DLG2: variants seen among roughly 807,000 people sequenced by gnomAD.
DLG2 encodes disks large homolog 2.
Under a neutral mutation model 132.5 loss-of-function variants are expected in DLG2, and 45 were observed. That is an observed-to-expected ratio of 0.34 (90% confidence interval 0.27 to 0.44). DLG2 has a LOEUF of 0.44. Among genes scored for constraint, DLG2 ranks in the 20% least tolerant of loss-of-function variants. The pLI, the probability that DLG2 is intolerant of heterozygous loss-of-function variation, is 1.00. For synonymous variants in DLG2, 424 were observed against 419.6 expected, an observed-to-expected ratio of 1.01 and a Z score of -0.13; for missense variants, 1,045 against 1,196.9, an observed-to-expected ratio of 0.87 and a Z score of 1.87.
chr11:84,065,384 C>T (rs570453624), intron 10 of DLG2, among the ~76,000 whole-genome samples: 22 of 152,186 alleles, frequency 1.4e-4, no homozygotes, highest in African/African-American at 4.6e-4. Flanking sequence ...AACCAAATAA[C>T]ACCATTAAAA....
At chr11:84,051,361 C>G (rs4373958) in intron 11 of DLG2, among the ~76,000 whole-genome samples, 1 of 151,508 alleles carries the variant, frequency 6.6e-6, no homozygotes, top group African/African-American at 2.4e-5. Flanking sequence ...ATAGCAAAGA[C>G]TTGGAACCAA....
intron 6 of DLG2, among the ~76,000 whole-genome samples, chr11:84,643,431 C>A (rs1015903132): frequency 6.6e-6 from 1 of 152,162 alleles, no homozygotes; most frequent in Non-Finnish European, 1.5e-5. Flanking sequence ...CTCTTTATTT[C>A]CCAGGTGTTA....
rs2099621228 is a variant in DLG2, at chr11:84,625,586, C to T, written c.358-90855G>A. ...TAGATTCCCTAACTAAAAGCCAGAC[C>T]TCATTTCTGTTGGAGGAAAATGATA... is the stretch of plus-strand genomic sequence containing the variant. On this transcript the variant is annotated intron_variant, in intron 6 of 27. Transcript: ENST00000376104. 2.0e-5 allele frequency among the ~76,000 whole-genome samples: 3 copies of T among 152,278 alleles called. No homozygotes were observed. In the South Asian group the frequency reaches 6.2e-4, roughly 32 times the overall value.
rs1314899641 is a variant in DLG2 at position 84,502,163 on chromosome 11, T to TTC, written c.519+32406_519+32407insGA. On this transcript the variant is annotated intron_variant, in intron 7 of 27. Transcript: ENST00000376104. ...TTTCTTTCCTTCCTTCCTTCCTTTC[T>TTC]CTCTCTCTCTCTTTCTCTCTCTTTC... Among the ~76,000 whole-genome samples the TTC allele has an allele frequency of 1.8e-3, 108 of 61,004 alleles. 22 individuals carry two copies. Among genetic ancestry groups the TTC allele is most frequent in the African/African-American group, 0.012 (97 of 7,960 alleles). The allele number at this position is 61,004 out of a possible 152,430, so 40.0% of individuals were successfully genotyped here.
rs1158727113 is a variant in DLG2 at position 84,648,814 on chromosome 11, T to A, written c.358-114083A>T. On this transcript the variant is annotated intron_variant, in intron 6 of 27. Coordinates refer to ENST00000376104, the MANE Select transcript of DLG2 (RefSeq NM_001142699.3). ...ATATCTCACACACACAGACACACAA[T>A]GTCAAGCCCTCACCAGAAGCAGATG... 7.2e-5 allele frequency among the ~76,000 whole-genome samples: 11 copies of A among 151,964 alleles called. No individual in the cohort carries two copies. The East Asian group carries it at 1.2e-3, about 16-fold the overall frequency.
chr11:85,531,521 A>C (rs2075210458), intron 3 of DLG2, among the ~76,000 whole-genome samples: 1 of 152,204 alleles, frequency 6.6e-6, no homozygotes. Flanking sequence ...GTCACAAACC[A>C]ATGGAATTTT....
chr11:83,938,022 A>G (rs1397858884), intron 14 of DLG2, among the ~76,000 whole-genome samples: 3 of 152,240 alleles, frequency 2.0e-5, no homozygotes, highest in African/African-American at 4.8e-5. Context: ...ATAGAAGGAA[A>G]GTCATTGTGA....
intron 8 of DLG2, among the ~76,000 whole-genome samples, chr11:84,177,184 G>C (rs2095994739): frequency 6.6e-6 from 1 of 152,076 alleles, no homozygotes; most frequent in Admixed American, 6.6e-5. Context: ...ATCATCCTCT[G>C]CTTAGGATGG....
At chr11:83,823,736 G>C (rs1370048202) in intron 17 of DLG2, among the ~76,000 whole-genome samples, 3 of 152,168 alleles carry the variant, frequency 2.0e-5, no homozygotes, top group African/African-American at 7.2e-5. Context: ...GAGCAGAGAT[G>C]AATAAAACAC....
At chr11:83,942,915 C>A (rs1048743975) in intron 14 of DLG2, among the ~76,000 whole-genome samples, 7 of 152,104 alleles carry the variant, frequency 4.6e-5, no homozygotes, top group Non-Finnish European at 1.0e-4. Flanking sequence ...TCTTGAATTC[C>A]CATGTGTTGT....
intron 5 of DLG2, among the ~76,000 whole-genome samples, chr11:85,142,060 C>T (rs1277079919): frequency 1.3e-5 from 2 of 151,672 alleles, no homozygotes; most frequent in East Asian, 1.9e-4. Context: ...TGGTTCCATA[C>T]AAATTTTAGG....
chr11:83,667,444 C>A (rs557358075), intron 18 of DLG2, among the ~76,000 whole-genome samples: 12 of 152,262 alleles, frequency 7.9e-5, no homozygotes, highest in African/African-American at 2.9e-4. Flanking sequence ...TTCTGCCGAT[C>A]CCAAGGTTTG....
At chr11:85,483,228 A>T (rs1424859724) in intron 3 of DLG2, among the ~76,000 whole-genome samples, 1 of 152,216 alleles carries the variant, frequency 6.6e-6, no homozygotes, top group East Asian at 1.9e-4. Flanking sequence ...TAAGCAAACC[A>T]TATATGAATA....
intron 3 of DLG2, among the ~76,000 whole-genome samples, chr11:85,500,153 A>G (rs918776431): frequency 6.6e-6 from 1 of 152,128 alleles, no homozygotes; most frequent in African/African-American, 2.4e-5. Flanking sequence ...AGGAAGTCAA[A>G]TTGTCTCCCT....
chr11:85,448,800 T>C (rs2092119108), intron 3 of DLG2, among the ~76,000 whole-genome samples: 2 of 152,146 alleles, frequency 1.3e-5, no homozygotes, highest in Admixed American at 6.5e-5. Context: ...CACATCCACA[T>C]CTAAAGCATT....
chr11:85,229,701 T>C (rs1393608121), intron 4 of DLG2, among the ~76,000 whole-genome samples: 1 of 152,194 alleles, frequency 6.6e-6, no homozygotes, highest in Non-Finnish European at 1.5e-5. Context: ...ATATGTTTAC[T>C]GCAGCACTGT....
intron 4 of DLG2, among the ~76,000 whole-genome samples, chr11:85,240,469 T>C (rs538344475): frequency 6.6e-6 from 1 of 151,822 alleles, no homozygotes; most frequent in East Asian, 1.9e-4. Flanking sequence ...TAGCTCTTTT[T>C]ATATTTAAAA....
At chr11:84,728,098 T>C (rs1465674655) in intron 6 of DLG2, among the ~76,000 whole-genome samples, 2 of 152,204 alleles carry the variant, frequency 1.3e-5, no homozygotes, top group African/African-American at 2.4e-5. Context: ...TCTTGCCTGA[T>C]TGCCCTGGCC....
chr11:84,985,418 C>A (rs1386719050), intron 6 of DLG2, among the ~76,000 whole-genome samples: 3 of 152,090 alleles, frequency 2.0e-5, no homozygotes, highest in East Asian at 1.9e-4. Flanking sequence ...TTAAAAAATT[C>A]TTCACACTGA....
Sources: allele counts gnomAD v4.1 joint callset (sites outside exome capture counted in the v4.1 genomes callset), GRCh38; gene constraint gnomAD v4.1.1; transcripts MANE v1.5; gene names NCBI Gene and HGNC (gene_info 2026-07-23, HGNC 2026-07-21).